C11orf65: variants seen among roughly 807,000 people sequenced by gnomAD.
C11orf65 encodes the protein chromosome 11 open reading frame 65.
A neutral mutation model predicts 35.3 loss-of-function variants in C11orf65; 38 were observed. The ratio of observed to expected loss-of-function variants is 1.08; its 90% CI spans 0.83 to 1.41. The LOEUF (loss-of-function observed/expected upper bound fraction) is 1.41. C11orf65 is among the 40% of genes most tolerant of loss of function. The pLI, the probability that C11orf65 is intolerant of heterozygous loss-of-function variation, is 0.00. For synonymous variants in C11orf65, 105 were observed against 114.4 expected, an observed-to-expected ratio of 0.92 and a Z score of 0.53; for missense variants, 370 against 367.1, an observed-to-expected ratio of 1.01 and a Z score of -0.06.
rs2136534902 is a variant in C11orf65 at position 108,332,101 on chromosome 11, T to C, written c.300-534A>G. On this transcript the variant is annotated intron_variant, in intron 3 of 3. Coordinates refer to the C11orf65 transcript ENST00000524755. ...TATTCAGTCTTTCCTAGAATATTTC[T>C]TTTTAAAATCTTGTGTTATTAAGAT... The C allele has an allele frequency of 6.3e-6, 10 of 1,583,628 alleles. No individual in the cohort carries two copies. In the South Asian group the frequency reaches 1.0e-4, roughly 16 times the overall value.
intron 2 of C11orf65, chr11:108,369,032 T>C (rs751582824): frequency 1.1e-5 from 2 of 178,214 alleles, no homozygotes; most frequent in Non-Finnish European, 2.4e-5. Flanking sequence ...TTTAGTACTA[T>C]TGAATGTATT....
intron 3 of C11orf65, among the ~76,000 whole-genome samples, chr11:108,411,350 T>A (rs1014205973): frequency 6.6e-6 from 1 of 152,210 alleles, no homozygotes; most frequent in African/African-American, 2.4e-5. Flanking sequence ...ATTTCAAAAC[T>A]TGGAAATTTG....
chr11:108,431,647 TTTTAAA>T (rs1259543861), intron 3 of C11orf65, 93 bp downstream of exon 3: 43 of 621,928 alleles, frequency 6.9e-5, no homozygotes, highest in Admixed American at 1.2e-4. Context: ...ATAAAAACAG[TTTTAAA>T]AAGAAACAAA....
intron 6 of C11orf65, chr11:108,317,312 C>T (rs17107917): frequency 1.3e-6 from 2 of 1,536,492 alleles, no homozygotes; most frequent in Admixed American, 1.8e-5. Context: ...CTGTTTTTTT[C>T]TCTGGTTTTC....
chr11:108,361,079 G>C (rs1354597187), intron 2 of C11orf65, among the ~76,000 whole-genome samples: 3 of 131,036 alleles, frequency 2.3e-5, no homozygotes, highest in East Asian at 4.2e-4. Flanking sequence ...TCCTTAAGCT[G>C]ATAAGCAACT....
In C11orf65 at chr11:108,339,202, T is replaced by C. The variant is rs181174670; in HGVS notation, c.227-3910A>G. Among the ~76,000 whole-genome samples the C allele has an allele frequency of 4.4e-4, 67 of 152,304 alleles. 1 individual carries two copies. Among genetic ancestry groups the C allele is most frequent in the African/African-American group, 1.5e-3 (64 of 41,562 alleles). ...CATTTTTCTCCACCAAAACTATGCA[T>C]TGTTACAAAGTATACTGAACAAGTC... On this transcript the variant is annotated intron_variant, in intron 2 of 3. Transcript: ENST00000524755.
At chr11:108,448,715 A>G (rs563247898) in intron 2 of C11orf65, among the ~76,000 whole-genome samples, 1 of 152,322 alleles carries the variant, frequency 6.6e-6, no homozygotes, top group East Asian at 1.9e-4. Flanking sequence ...TTCCCTTTGA[A>G]AACGGGCACA....
chr11:108,406,201 T>C (rs2092537140), intron 5 of C11orf65, among the ~76,000 whole-genome samples: 1 of 152,256 alleles, frequency 6.6e-6, no homozygotes, highest in Non-Finnish European at 1.5e-5. Flanking sequence ...ATCCCCTGCA[T>C]CCAGAACAAT....
At position 108,423,258 on chromosome 11, in the gene C11orf65, C is replaced by T. The variant is rs144067471; in HGVS notation, c.174+8488G>A. On this transcript the variant is annotated intron_variant, in intron 3 of 8. Coordinates refer to ENST00000393084, the MANE Select transcript of C11orf65 (RefSeq NM_152587.5). ...CCCATTCACTCCCCTAGAAAGGGGG[C>T]TGAAGCCAGGGAGCCAAGTGGTCTA... Among the ~76,000 whole-genome samples, 331 of 152,254 alleles carry T rather than the reference C, an allele frequency of 2.2e-3. 1 individual carries two copies. Among genetic ancestry groups the T allele is most frequent in the Non-Finnish European group, 3.5e-3 (241 of 68,022 alleles).
At chr11:108,435,276 T>C (rs1353427104) in intron 2 of C11orf65, among the ~76,000 whole-genome samples, 1 of 152,018 alleles carries the variant, frequency 6.6e-6, no homozygotes, top group Non-Finnish European at 1.5e-5. Context: ...AAATGGAAAC[T>C]GATACTGCCA....
At chr11:108,343,075 C>A in intron 2 of C11orf65, 1 of 1,016,250 alleles carries the variant, frequency 9.8e-7, no homozygotes, top group Non-Finnish European at 1.5e-6. Context: ...CGATTGGTTT[C>A]CTCCAAGGAG....
At chr11:108,371,189 G>T (rs2091565057) in intron 2 of C11orf65, among the ~76,000 whole-genome samples, 2 of 152,132 alleles carry the variant, frequency 1.3e-5, no homozygotes, top group Admixed American at 1.3e-4. Flanking sequence ...TGATATAAGT[G>T]TGTGTTCATA....
At chr11:108,376,416 G>A (rs560851814) in intron 2 of C11orf65, among the ~76,000 whole-genome samples, 712 of 150,634 alleles carry the variant, frequency 4.7e-3, no homozygotes, top group African/African-American at 0.017. Context: ...AAACAAAGAT[G>A]TTCTTTGAAA....
At position 108,325,335 on chromosome 11, in the gene C11orf65, G is replaced by A. The variant is rs2085552425; in HGVS notation, c.641-16264C>T. On this transcript the variant is annotated intron_variant, in intron 6 of 6. Transcript: ENST00000525729. ...ATCAGTCACACATAGACAACTCTCT[G>A]AAGTATATATTAAGTGGCAGAAACA... 6.2e-7 allele frequency: 1 copy of A among 1,602,158 alleles called. No homozygotes were observed.
chr11:108,332,368 G>A (rs2086355536), intron 3 of C11orf65, among the ~76,000 whole-genome samples: 1 of 152,108 alleles, frequency 6.6e-6, no homozygotes, highest in South Asian at 2.1e-4. Flanking sequence ...GGAGGCGGAG[G>A]TTGCAGTGAG....
intron 2 of C11orf65, among the ~76,000 whole-genome samples, chr11:108,344,944 A>C (rs1292999281): frequency 6.6e-6 from 1 of 152,024 alleles, no homozygotes; most frequent in Non-Finnish European, 1.5e-5. Flanking sequence ...CCAAAATTGC[A>C]GTGAGCTGTG....
chr11:108,434,306 A>G (rs1370536227), intron 2 of C11orf65, among the ~76,000 whole-genome samples: 1 of 152,054 alleles, frequency 6.6e-6, no homozygotes, highest in Non-Finnish European at 1.5e-5. Flanking sequence ...GGGGTTCGAG[A>G]TCAGCCTGGC....
At chr11:108,461,690 C>T (rs982796732) in intron 1 of C11orf65, 122 bp from the exon 2 acceptor site, 56 of 608,706 alleles carry the variant, frequency 9.2e-5, no homozygotes, top group South Asian at 4.7e-4. Context: ...TGCAGTGGTG[C>T]GATGATAGCT....
chr11:108,357,600 C>T (rs1363753355), intron 2 of C11orf65, among the ~76,000 whole-genome samples: 1 of 152,038 alleles, frequency 6.6e-6, no homozygotes, highest in Non-Finnish European at 1.5e-5. Context: ...GGAGATCGGA[C>T]AACAGGCAGA....
Sources: allele counts gnomAD v4.1 joint callset (sites outside exome capture counted in the v4.1 genomes callset), GRCh38; gene constraint gnomAD v4.1.1; transcripts MANE v1.5; gene names NCBI Gene and HGNC (gene_info 2026-07-23, HGNC 2026-07-21).